CTNNA3: variants seen among roughly 807,000 people sequenced by gnomAD.
CTNNA3 encodes catenin alpha 3.
A neutral mutation model predicts 95.7 loss-of-function variants in CTNNA3; 76 were observed. That is an observed-to-expected ratio of 0.79 (90% CI 0.66 to 0.96). The LOEUF (loss-of-function observed/expected upper bound fraction) is 0.96, where lower values mean the gene tolerates loss of function less well. Among genes scored for constraint, CTNNA3 ranks in the 40% least tolerant of loss-of-function variants. CTNNA3 has a pLI of 0.00. For synonymous variants in CTNNA3, 431 were observed against 374.4 expected (o/e 1.15, Z -1.74); for missense variants, 1,191 against 1,089.8 (o/e 1.09, Z -1.31).
At position 65,951,934 on chromosome 10, in the gene CTNNA3, A is replaced by G. The variant is rs550833673; in HGVS notation, c.2400+14678T>C. On this transcript the variant is annotated intron_variant, in intron 17 of 17. Transcript: ENST00000433211. The stretch of plus-strand genomic sequence containing the variant: ...AGTCCCAGCTACTTAGGAGGCTGAG[A>G]CAGGAGAATGGCATGAACCCGGGAG... Among the ~76,000 whole-genome samples the G allele has an allele frequency of 8.1e-4, 123 of 151,386 alleles. 1 individual carries two copies. The highest frequency in any genetic ancestry group is 2.9e-3 in the African/African-American group (119 of 41,172).
intron 9 of CTNNA3, among the ~76,000 whole-genome samples, chr10:66,691,534 CACAG>C (rs561190602): frequency 0.024 from 3,613 of 152,076 alleles, 70 homozygotes; most frequent in Non-Finnish European, 0.037. Context: ...GGGGGCAGGG[CACAG>C]ACAAACAAAG....
At chr10:66,095,363 T>C (rs1044892031) in intron 14 of CTNNA3, among the ~76,000 whole-genome samples, 2 of 152,098 alleles carry the variant, frequency 1.3e-5, no homozygotes, top group African/African-American at 4.8e-5. Context: ...TAGTAACCAA[T>C]GATGAGAAAA....
At position 66,206,397 on chromosome 10, in the gene CTNNA3, C is replaced by T. The variant is rs530171167; in HGVS notation, c.1884+74073G>A. 5.3e-5 allele frequency among the ~76,000 whole-genome samples: 8 copies of T among 151,858 alleles called. No homozygotes were observed. The East Asian group carries it at 5.8e-4, about 11-fold the overall frequency. On this transcript the variant is annotated intron_variant, in intron 13 of 17. Transcript: ENST00000433211. ...TGTGTCTACAGAATAAATGAGTGAA[C>T]GGGAATGGCCTAATTTCGTGGGACA...
chr10:66,402,773 T>C (rs1408049497), intron 11 of CTNNA3, among the ~76,000 whole-genome samples: 1 of 152,176 alleles, frequency 6.6e-6, no homozygotes, highest in Non-Finnish European at 1.5e-5. Flanking sequence ...GCTTTCTGCA[T>C]AGAAACTTAT....
At chr10:66,279,912 T>C (rs569740882) in intron 13 of CTNNA3, among the ~76,000 whole-genome samples, 10 of 152,132 alleles carry the variant, frequency 6.6e-5, no homozygotes, top group Non-Finnish European at 1.2e-4. Flanking sequence ...CTGCAACAAA[T>C]TGTGCTCTCA....
intron 14 of CTNNA3, among the ~76,000 whole-genome samples, chr10:66,084,625 A>C (rs1242267164): frequency 9.9e-5 from 15 of 152,148 alleles, no homozygotes; most frequent in Non-Finnish European, 7.4e-5. Flanking sequence ...TGATTAGTTG[A>C]AAATGTTTTA....
chr10:67,078,184 G>T (rs1258761349), intron 7 of CTNNA3, among the ~76,000 whole-genome samples: 2 of 152,126 alleles, frequency 1.3e-5, no homozygotes, highest in Non-Finnish European at 2.9e-5. Flanking sequence ...CCACTTTTAG[G>T]TTCTTTGCTT....
chr10:65,970,359 C>G (rs2078068346), intron 16 of CTNNA3, among the ~76,000 whole-genome samples: 2 of 151,980 alleles, frequency 1.3e-5, no homozygotes, highest in Non-Finnish European at 2.9e-5. Context: ...ATAGCGCAAT[C>G]AAACCATAGA....
Position 67,264,526 on chromosome 10 carries a change from A to G in CTNNA3, c.580-44656T>C, listed in dbSNP as rs144158669. On this transcript the variant is annotated intron_variant, in intron 5 of 17. Coordinates refer to ENST00000433211, the MANE Select transcript of CTNNA3 (RefSeq NM_013266.4). ...TAGGATAAACATGATTCACATTCAA[A>G]TCACTGCCTCCAAAGCCTCAGCACA... 2.6e-5 allele frequency among the ~76,000 whole-genome samples: 4 copies of G among 152,300 alleles called. No homozygotes were observed. The East Asian group carries it at 7.7e-4, about 29-fold the overall frequency.
chr10:65,914,130 A>G lies in CTNNA3; in HGVS notation c.*6200T>C, dbSNP rs999677569. 6.6e-6 allele frequency: 1 copy of G among 152,198 alleles called. No homozygotes were observed. The highest frequency in any genetic ancestry group is 1.5e-5 in the Non-Finnish European group (1 of 68,030). 9.4% of individuals were successfully genotyped at this position (152,198 alleles called of 1,614,324 possible). On this transcript the variant is annotated 3_prime_UTR_variant, in exon 18 of 18. Coordinates refer to ENST00000433211, the MANE Select transcript of CTNNA3 (RefSeq NM_013266.4). ...AAAACACAAGAACTACTCTGCTAAT[A>G]TTAAGTAGCTTTTGTACATGTTCTA...
At chr10:66,444,585 G>C in intron 11 of CTNNA3, among the ~76,000 whole-genome samples, 1 of 152,068 alleles carries the variant, frequency 6.6e-6, no homozygotes, top group East Asian at 1.9e-4. Flanking sequence ...AGCTTCATAA[G>C]TGAAGGAGAA....
At chr10:67,190,795 A>C (rs928544921) in intron 6 of CTNNA3, among the ~76,000 whole-genome samples, 1 of 152,002 alleles carries the variant, frequency 6.6e-6, no homozygotes, top group African/African-American at 2.4e-5. Flanking sequence ...AGACATCAAG[A>C]GAGTGAAAAA....
At chr10:66,211,983 G>GTTTTTTTTTTTTTTTTTTTTT (rs61453326) in intron 13 of CTNNA3, among the ~76,000 whole-genome samples, 1 of 95,012 alleles carries the variant, frequency 1.1e-5, no homozygotes, top group Non-Finnish European at 2.0e-5. Flanking sequence ...TTGTTTTTGG[G>GTTTTTTTTTTTTTTTTTTTTT]TTTTTTTTTT....
intron 7 of CTNNA3, chr10:67,012,918 C>T (rs550200028): frequency 2.0e-4 from 31 of 152,150 alleles, no homozygotes; most frequent in African/African-American, 6.0e-4. Flanking sequence ...AGCAAAGACA[C>T]GCCATTTTCA....
intron 12 of CTNNA3, among the ~76,000 whole-genome samples, chr10:66,281,713 T>G (rs2132162384): frequency 6.6e-6 from 1 of 152,030 alleles, no homozygotes; most frequent in East Asian, 1.9e-4. Flanking sequence ...TTTTCTACAT[T>G]TAAGTTGTAT....
intron 6 of CTNNA3, among the ~76,000 whole-genome samples, chr10:67,207,179 A>G (rs1011241599): frequency 6.6e-6 from 1 of 152,142 alleles, no homozygotes; most frequent in African/African-American, 2.4e-5. Flanking sequence ...AACAGATACA[A>G]TTTTAAATGG....
intron 5 of CTNNA3, among the ~76,000 whole-genome samples, chr10:67,503,429 T>C (rs1839295356): frequency 6.6e-6 from 1 of 152,204 alleles, no homozygotes; most frequent in African/African-American, 2.4e-5. Context: ...CTTGCCCCTA[T>C]ATGTCTATCT....
intron 7 of CTNNA3, among the ~76,000 whole-genome samples, chr10:67,000,659 A>G (rs750357992): frequency 1.2e-4 from 19 of 152,172 alleles, no homozygotes; most frequent in Non-Finnish European, 2.4e-4. Flanking sequence ...GAGTCTTTAC[A>G]TTCAATTAAA....
intron 7 of CTNNA3, chr10:66,925,855 T>A: frequency 2.9e-6 from 1 of 339,260 alleles, no homozygotes; most frequent in Non-Finnish European, 5.9e-6. Flanking sequence ...CAGAAAATGT[T>A]GCTAGTTATT....
Sources: allele counts gnomAD v4.1 joint callset (sites outside exome capture counted in the v4.1 genomes callset), GRCh38; gene constraint gnomAD v4.1.1; transcripts MANE v1.5; gene names NCBI Gene and HGNC (gene_info 2026-07-23, HGNC 2026-07-21).